GMPS: variants seen among roughly 807,000 people sequenced by gnomAD.
The protein encoded by GMPS is GMP synthase [glutamine-hydrolyzing].
GMPS carries 15 observed loss-of-function variants against 77.9 expected under a neutral mutation model. That is an observed-to-expected ratio of 0.19 (90% confidence interval 0.13 to 0.30). GMPS has a LOEUF of 0.30. Among genes scored for constraint, GMPS ranks in the 10% least tolerant of loss-of-function variants. The pLI is 1.00. For missense variants in GMPS, 590 were observed against 838.8 expected (o/e 0.70, Z 3.66); for synonymous variants, 224 against 275.9 (o/e 0.81, Z 1.86).
chr3:155,928,420 T>C (rs1755512011), intron 12 of GMPS, among the ~76,000 whole-genome samples: 1 of 152,194 alleles, frequency 6.6e-6, no homozygotes, highest in South Asian at 2.1e-4. Context: ...ATTAGGTACT[T>C]CTCTAATCTG....
rs377682537 is a variant in GMPS, at chr3:155,922,341, C to T, written c.1434+39C>T. 43 of 801,630 alleles carry T rather than the reference C, an allele frequency of 5.4e-5. No homozygotes were observed. In the African/African-American group the frequency reaches 5.9e-4, roughly 11 times the overall value. The allele number at this position is 801,630 out of a possible 1,614,324, so 49.7% of individuals were successfully genotyped here. On this transcript the variant is annotated intron_variant, in intron 11 of 15. Coordinates refer to ENST00000496455, the MANE Select transcript of GMPS (RefSeq NM_003875.3). ...CAGCTAATCATTACAAGAAATTGAA[C>T]GGATTCTTATTATATACCAGCATTT...
At chr3:155,901,045 T>G (rs868097655) in intron 3 of GMPS, among the ~76,000 whole-genome samples, 2 of 152,180 alleles carry the variant, frequency 1.3e-5, no homozygotes, top group Non-Finnish European at 2.9e-5. Context: ...ATGTCTATAC[T>G]GCTCCCTTTA....
At chr3:155,880,653 A>T (rs1754188863) in intron 1 of GMPS, among the ~76,000 whole-genome samples, 1 of 152,240 alleles carries the variant, frequency 6.6e-6, no homozygotes, top group Non-Finnish European at 1.5e-5. Context: ...AAATAGAATC[A>T]GAAGCACTCT....
chr3:155,897,980 G>T lies in GMPS; in HGVS notation c.263G>T (p.Trp88Leu), dbSNP rs757083783. The change falls in exon 3 of 16, where the codon TGG becomes TTG. Residue 88 changes from tryptophan to leucine, a missense_variant. This residue lies in a region of GMPS where 136 missense variants were observed against 225.6 expected (regional missense o/e 0.60). Coordinates refer to ENST00000496455, the MANE Select transcript of GMPS (RefSeq NM_003875.3). The part of the protein sequence containing the change: ...PNSVYAEDAP[W>L]FDPAIFTIGK... ...TCTGTGTATGCTGAAGATGCTCCCT[G>T]GTTTGATCCAGCAATATTCACTATT... The T allele has an allele frequency of 6.2e-7, 1 of 1,611,488 alleles. No individual in the cohort carries two copies. Among genetic ancestry groups the T allele is most frequent in the Non-Finnish European group, 8.5e-7 (1 of 1,177,700 alleles).
At chr3:155,929,049 C>T (rs1422510800) in intron 12 of GMPS, among the ~76,000 whole-genome samples, 2 of 151,142 alleles carry the variant, frequency 1.3e-5, no homozygotes. Context: ...TGGGTATATA[C>T]CCAGTAATGG....
rs919422253 is a variant in GMPS, at chr3:155,901,502, C to T, written c.325-2361C>T. Among the ~76,000 whole-genome samples the T allele has an allele frequency of 4.6e-5, 7 of 152,072 alleles. No individual in the cohort carries two copies. In the East Asian group the frequency reaches 1.4e-3, roughly 29 times the overall value. ...TGGTGTTATACATACACAAAATTTTCTCTAGGGTAACTGGCCGTAGGAATG... is the reference window on the plus strand; with the variant it reads ...TGGTGTTATACATACACAAAATTTTTTCTAGGGTAACTGGCCGTAGGAATG... On this transcript the variant is annotated intron_variant, in intron 3 of 15. Transcript: ENST00000496455.
intron 11 of GMPS, among the ~76,000 whole-genome samples, chr3:155,923,943 C>T (rs1186871019): frequency 2.0e-4 from 30 of 152,062 alleles, no homozygotes; most frequent in Admixed American, 1.6e-3. Context: ...TGCAATGGCA[C>T]GATCTTGGCT....
At position 155,877,290 on chromosome 3, in the gene GMPS, A is replaced by G. The variant is rs372464347; in HGVS notation, c.27+6393A>G. ...ATACTTATTATTTGGCAAGCAAATT[A>G]AAAGAAATTTTAGTCAACATCCATG... On this transcript the variant is annotated intron_variant, in intron 1 of 15. Coordinates refer to ENST00000496455, the MANE Select transcript of GMPS (RefSeq NM_003875.3). 5.2e-4 allele frequency among the ~76,000 whole-genome samples: 79 copies of G among 152,368 alleles called. 4 individuals carry two copies. The highest frequency in any genetic ancestry group is 1.8e-3 in the African/African-American group (76 of 41,586).
intron 3 of GMPS, among the ~76,000 whole-genome samples, chr3:155,902,940 T>C (rs886534329): frequency 6.6e-6 from 1 of 152,288 alleles, no homozygotes. Flanking sequence ...AAACCTTTAT[T>C]GTGGGACAGT....
chr3:155,906,273 C>A lies in GMPS; in HGVS notation c.526+10C>A. On this transcript the variant is annotated intron_variant, in intron 5 of 15. Transcript: ENST00000496455. ...GGAAACATAGTAGCAGGTGAAAATT[C>A]TAAAAATTTTGCAGAGTTCATTTAA... 1.3e-6 allele frequency: 2 copies of A among 1,577,658 alleles called. No individual in the cohort carries two copies. Among genetic ancestry groups the A allele is most frequent in the Non-Finnish European group, 1.7e-6 (2 of 1,151,250 alleles).
chr3:155,893,160 A>C (rs1754515018), intron 1 of GMPS, among the ~76,000 whole-genome samples: 1 of 152,214 alleles, frequency 6.6e-6, no homozygotes, highest in Non-Finnish European at 1.5e-5. Flanking sequence ...GAAAGGATGC[A>C]CTGTTAATAA....
At chr3:155,879,952 G>A (rs1028087603) in intron 1 of GMPS, among the ~76,000 whole-genome samples, 101 of 147,364 alleles carry the variant, frequency 6.9e-4, no homozygotes, top group African/African-American at 2.5e-3. Flanking sequence ...AGTTTTAAGA[G>A]TTTTTTTTTT....
At chr3:155,901,222 G>A (rs1185277132) in intron 3 of GMPS, among the ~76,000 whole-genome samples, 1 of 151,812 alleles carries the variant, frequency 6.6e-6, no homozygotes, top group Non-Finnish European at 1.5e-5. Context: ...TTATGCATAT[G>A]TTTATATTCC....
chr3:155,911,984 C>CT (rs35651046), intron 7 of GMPS, among the ~76,000 whole-genome samples: 8 of 151,136 alleles, frequency 5.3e-5, no homozygotes, highest in African/African-American at 1.5e-4. Context: ...AGATTCTATA[C>CT]TTTTTTTTTA....
At chr3:155,937,488 A>G in intron 15 of GMPS, 103 bp from the exon 16 acceptor site, 1 of 647,698 alleles carries the variant, frequency 1.5e-6, no homozygotes, top group East Asian at 2.6e-5. Context: ...GGAGGACAAT[A>G]GTGAAAATAG....
chr3:155,925,413 T>C (rs752154966), intron 12 of GMPS, 47 bp downstream of exon 12: 106 of 1,473,520 alleles, frequency 7.2e-5, no homozygotes, highest in Non-Finnish European at 9.3e-5. Context: ...TTTTTTTTTT[T>C]TCTTTTCTTG....
chr3:155,922,408 T>C, intron 11 of GMPS, 106 bp downstream of exon 11: 1 of 526,956 alleles, frequency 1.9e-6, no homozygotes, highest in Non-Finnish European at 3.3e-6. Flanking sequence ...AAATTTGGTG[T>C]AATATAACCT....
chr3:155,878,449 G>C (rs1754114252), intron 1 of GMPS, among the ~76,000 whole-genome samples: 2 of 152,196 alleles, frequency 1.3e-5, no homozygotes, highest in Non-Finnish European at 2.9e-5. Context: ...TATGAATAAT[G>C]CTGCCATGGA....
In GMPS at chr3:155,942,745, G is replaced by C. The variant is rs1755922520; in HGVS notation, c.*5053G>C. On this transcript the variant is annotated 3_prime_UTR_variant, in exon 16 of 16. Coordinates refer to ENST00000496455, the MANE Select transcript of GMPS (RefSeq NM_003875.3). ...TTACTTTTCCTTCAGAGAGGAGAAA[G>C]CCACCCCTGTGCTATAGCCACCGCT... The C allele has an allele frequency of 4.4e-6, 1 of 225,908 alleles. No individual in the cohort carries two copies. The highest frequency in any genetic ancestry group is 2.2e-5 in the African/African-American group (1 of 45,052). 14.0% of individuals were successfully genotyped at this position (225,908 alleles called of 1,614,324 possible).
Sources: allele counts gnomAD v4.1 joint callset (sites outside exome capture counted in the v4.1 genomes callset), GRCh38; gene constraint gnomAD v4.1.1; regional missense constraint gnomAD v4.1.1; transcripts MANE v1.5; gene names NCBI Gene and HGNC (gene_info 2026-07-23, HGNC 2026-07-21).